Variants in ADGRL4 observed in about 807,000 individuals in gnomAD.
The protein encoded by ADGRL4 is EGF, latrophilin and seven transmembrane domain containing 1.
ADGRL4 carries 90 observed loss-of-function variants against 74.8 expected under a neutral mutation model. The ratio of observed to expected loss-of-function variants is 1.20; its 90% CI spans 1.02 to 1.43. ADGRL4 has a LOEUF of 1.43. ADGRL4 is among the 40% of genes most tolerant of loss of function. The pLI, the probability that ADGRL4 is intolerant of heterozygous loss-of-function variation, is 0.00. For synonymous variants in ADGRL4, 311 were observed against 279.2 expected (o/e 1.11, Z -1.14); for missense variants, 881 against 814.3 (o/e 1.08, Z -1.00).
chr1:78,894,565 C>T (rs534266742), intron 12 of ADGRL4, among the ~76,000 whole-genome samples: 3 of 151,862 alleles, frequency 2.0e-5, no homozygotes, highest in Non-Finnish European at 3.0e-5. Context: ...CTTTCATACT[C>T]ATGAAACTGG....
At chr1:78,892,120 G>A (rs1194418728) in intron 13 of ADGRL4, among the ~76,000 whole-genome samples, 1 of 151,994 alleles carries the variant, frequency 6.6e-6, no homozygotes, top group Non-Finnish European at 1.5e-5. Flanking sequence ...TGTGGACTGG[G>A]GTCAGCACAT....
chr1:78,904,611 C>T (rs1420294536), intron 12 of ADGRL4, among the ~76,000 whole-genome samples: 1 of 151,964 alleles, frequency 6.6e-6, no homozygotes, highest in East Asian at 1.9e-4. Context: ...GTTTGAAAAC[C>T]ACTTTCTTAT....
chr1:78,917,324 T>G (rs553213793), intron 12 of ADGRL4, among the ~76,000 whole-genome samples: 1 of 151,794 alleles, frequency 6.6e-6, no homozygotes, highest in Non-Finnish European at 1.5e-5. Context: ...ACATCTATAC[T>G]CCATCAAGAG....
intron 6 of ADGRL4, among the ~76,000 whole-genome samples, chr1:78,936,924 T>A (rs1649367068): frequency 6.6e-6 from 1 of 152,200 alleles, no homozygotes; most frequent in Non-Finnish European, 1.5e-5. Context: ...GTAAATCTGC[T>A]GTTGCACAGC....
intron 12 of ADGRL4, among the ~76,000 whole-genome samples, chr1:78,899,354 G>T (rs775621985): frequency 6.6e-6 from 1 of 152,030 alleles, no homozygotes; most frequent in Non-Finnish European, 1.5e-5. Flanking sequence ...GGCTATGTAT[G>T]TATGTAAGTA....
At chr1:78,904,388 TAGTG>T (rs1648586403) in intron 12 of ADGRL4, among the ~76,000 whole-genome samples, 1 of 152,068 alleles carries the variant, frequency 6.6e-6, no homozygotes, top group African/African-American at 2.4e-5. Flanking sequence ...GCTAATATTT[TAGTG>T]AGAATCATAT....
At chr1:78,952,328 C>CCT (rs370492399) in intron 2 of ADGRL4, among the ~76,000 whole-genome samples, 1 of 119,710 alleles carries the variant, frequency 8.4e-6, no homozygotes, top group Non-Finnish European at 1.7e-5. Flanking sequence ...ACATAGAAAG[C>CCT]TTTTTTTTTT....
chr1:78,945,198 C>A (rs919414035), intron 3 of ADGRL4, among the ~76,000 whole-genome samples: 2 of 130,420 alleles, frequency 1.5e-5, no homozygotes, highest in African/African-American at 2.8e-5. Flanking sequence ...ATATATATAT[C>A]TCAATAGGGC....
At chr1:78,919,136 GC>G (rs753148541) in intron 10 of ADGRL4, among the ~76,000 whole-genome samples, 22 of 151,912 alleles carry the variant, frequency 1.4e-4, no homozygotes, top group Non-Finnish European at 2.5e-4. Context: ...AACACTTCTT[GC>G]CATCTACTTC....
intron 12 of ADGRL4, among the ~76,000 whole-genome samples, chr1:78,910,032 A>T (rs1028825695): frequency 6.6e-6 from 1 of 151,870 alleles, no homozygotes; most frequent in African/African-American, 2.4e-5. Flanking sequence ...AGGTTTTTTG[A>T]ATTTATAATC....
intron 12 of ADGRL4, among the ~76,000 whole-genome samples, chr1:78,915,960 C>T (rs1057320794): frequency 1.1e-4 from 16 of 151,720 alleles, no homozygotes; most frequent in Non-Finnish European, 8.8e-5. Flanking sequence ...GGGCCTAGCT[C>T]ATTTTTTAAG....
intron 2 of ADGRL4, among the ~76,000 whole-genome samples, chr1:78,982,472 T>C (rs1650415353): frequency 1.3e-5 from 2 of 151,968 alleles, no homozygotes; most frequent in African/African-American, 4.8e-5. Flanking sequence ...TCAGGGTTGA[T>C]TAATTTGGTA....
intron 2 of ADGRL4, among the ~76,000 whole-genome samples, chr1:78,965,268 T>C (rs1368608804): frequency 6.6e-6 from 1 of 152,144 alleles, no homozygotes; most frequent in African/African-American, 2.4e-5. Flanking sequence ...TACTTTGTTA[T>C]AAGAATAAAA....
intron 2 of ADGRL4, among the ~76,000 whole-genome samples, chr1:78,983,060 A>T (rs1177562696): frequency 6.6e-6 from 1 of 151,766 alleles, no homozygotes; most frequent in Non-Finnish European, 1.5e-5. Context: ...GATCATAGAA[A>T]CTCCAAGCTG....
chr1:78,926,722 C>T (rs1649121233), intron 8 of ADGRL4, among the ~76,000 whole-genome samples, 164 bp downstream of exon 8: 1 of 151,942 alleles, frequency 6.6e-6, no homozygotes, highest in Non-Finnish European at 1.5e-5. Flanking sequence ...TGTGAAACTA[C>T]AAGAATATTT....
At chr1:78,917,355 C>CTT (rs1378256069) in intron 12 of ADGRL4, among the ~76,000 whole-genome samples, 1 of 151,050 alleles carries the variant, frequency 6.6e-6, no homozygotes, top group Non-Finnish European at 1.5e-5. Context: ...ATTGTAATAG[C>CTT]TTTGAATTTA....
chr1:78,921,302 C>T (rs528871222), intron 9 of ADGRL4, among the ~76,000 whole-genome samples: 6 of 150,556 alleles, frequency 4.0e-5, no homozygotes, highest in East Asian at 2.0e-4. Flanking sequence ...CTTTAAATTC[C>T]GTGATACATT....
chr1:78,919,747 T>C (rs1211265180), intron 10 of ADGRL4, among the ~76,000 whole-genome samples: 1 of 151,934 alleles, frequency 6.6e-6, no homozygotes, highest in Non-Finnish European at 1.5e-5. Context: ...TCAATAATCT[T>C]GGGAAATGGG....
intron 2 of ADGRL4, among the ~76,000 whole-genome samples, chr1:78,998,628 A>G (rs565169037): frequency 6.6e-6 from 1 of 152,236 alleles, no homozygotes; most frequent in East Asian, 1.9e-4. Context: ...GGCTTAGCAA[A>G]GTGCTGGGAT....
Sources: gnomAD v4.1 joint callset for allele counts (sites outside exome capture counted in the v4.1 genomes callset) on GRCh38, gnomAD v4.1.1 for gene constraint, MANE v1.5 for transcripts, NCBI Gene and HGNC (gene_info 2026-07-23, HGNC 2026-07-21) for gene names.